TNFSF4: variants seen among roughly 807,000 people sequenced by gnomAD.
TNFSF4 encodes TNF superfamily member 4.
A neutral mutation model predicts 7.3 loss-of-function variants in TNFSF4; 4 were observed. The observed-to-expected ratio is 0.55, with a 90% CI of 0.27 to 1.25. The LOEUF (loss-of-function observed/expected upper bound fraction) is 1.25. Among genes scored for constraint, TNFSF4 ranks in the 50% most tolerant of loss-of-function variants. The probability of loss-of-function intolerance (pLI) is 0.12; values close to 1 mark genes in which losing one functional copy is unlikely to be tolerated. For missense variants in TNFSF4, 181 were observed against 208.8 expected, an observed-to-expected ratio of 0.87 and a Z score of 0.82; for synonymous variants, 76 against 83.7, an observed-to-expected ratio of 0.91 and a Z score of 0.50.
chr1:173,210,551 A>G (rs1401063690), upstream of TNFSF4, among the ~76,000 whole-genome samples: 1 of 152,156 alleles, frequency 6.6e-6, no homozygotes, highest in African/African-American at 2.4e-5. Context: ...TCTGTCGTAA[A>G]TGGACTTTTG....
chr1:173,181,700 T>G (rs1392886680), downstream of TNFSF4, among the ~76,000 whole-genome samples: 1 of 152,174 alleles, frequency 6.6e-6, no homozygotes, highest in Non-Finnish European at 1.5e-5. Context: ...TAGAGGGCCT[T>G]ACATTCCATG....
the TNFSF4 span, among the ~76,000 whole-genome samples, chr1:173,389,187 CTGCATGTTT>C: frequency 6.6e-6 from 1 of 152,142 alleles, no homozygotes. Context: ...TGAAAACATG[CTGCATGTTT>C]TACCTTCCAG....
the TNFSF4 span, among the ~76,000 whole-genome samples, chr1:173,314,865 C>T: frequency 6.6e-6 from 1 of 152,120 alleles, no homozygotes; most frequent in Non-Finnish European, 1.5e-5. Flanking sequence ...CAAAGCCACA[C>T]TCTCCCAAGT....
At position 173,205,574 on chromosome 1, in the gene TNFSF4, A is replaced by G. The variant is rs16845610; in HGVS notation, c.153+1450T>C. ...CCTGTGTTTTATCATCCCATGGTGT[A>G]AGGAAATATGTAACACTGTGGTTGT... On this transcript the variant is annotated intron_variant, in intron 1 of 2. Coordinates refer to ENST00000281834, the MANE Select transcript of TNFSF4 (RefSeq NM_003326.5). 3,811 of 1,246,234 alleles carry G rather than the reference A, an allele frequency of 3.1e-3. 107 individuals carry two copies. In the African/African-American group the frequency reaches 0.054, roughly 18 times the overall value. The allele number at this position is 1,246,234 out of a possible 1,614,324, so 77.2% of individuals were successfully genotyped here. A position where few individuals can be genotyped will look rare whatever the true frequency, so the allele number is the denominator to read the frequency against.
At chr1:173,348,529 C>CCAAAT in the TNFSF4 span, among the ~76,000 whole-genome samples, 145,549 of 152,086 alleles carry the variant, frequency 0.96, 69,974 homozygotes, top group East Asian at 1. Flanking sequence ...CACATTAAAC[C>CCAAAT]CAAACATAAG....
the TNFSF4 span, among the ~76,000 whole-genome samples, chr1:173,249,429 T>C: frequency 1.3e-5 from 2 of 152,188 alleles, no homozygotes; most frequent in South Asian, 4.1e-4. Context: ...ATTTCTACAA[T>C]ATCATAGCAA....
At chr1:173,348,485 C>T in the TNFSF4 span, among the ~76,000 whole-genome samples, 2 of 152,122 alleles carry the variant, frequency 1.3e-5, no homozygotes, top group African/African-American at 2.4e-5. Flanking sequence ...CAAACTAATA[C>T]AGTACCCATC....
At chr1:173,204,736 A>ACAC (rs561791275) in intron 1 of TNFSF4, among the ~76,000 whole-genome samples, 160 of 151,926 alleles carry the variant, frequency 1.1e-3, no homozygotes, top group South Asian at 3.7e-3. Context: ...ATCACTACCA[A>ACAC]CACCACCACC....
the TNFSF4 span, among the ~76,000 whole-genome samples, chr1:173,251,893 G>T: frequency 6.6e-6 from 1 of 152,050 alleles, no homozygotes; most frequent in Admixed American, 6.6e-5. Context: ...ACCCTATATG[G>T]CAACCTATTT....
At chr1:173,428,656 C>G in the TNFSF4 span, among the ~76,000 whole-genome samples, 395 of 152,232 alleles carry the variant, frequency 2.6e-3, 3 homozygotes, top group African/African-American at 9.2e-3. Flanking sequence ...TTTGTGGTTA[C>G]TTTTTAAAAA....
intron 1 of TNFSF4, among the ~76,000 whole-genome samples, chr1:173,204,147 G>C (rs1375984421): frequency 6.6e-6 from 1 of 152,122 alleles, no homozygotes; most frequent in Non-Finnish European, 1.5e-5. Flanking sequence ...TAGGAGCCAG[G>C]AAATCCATAA....
chr1:173,428,630 T>C, the TNFSF4 span, among the ~76,000 whole-genome samples: 1 of 152,260 alleles, frequency 6.6e-6, no homozygotes, highest in Non-Finnish European at 1.5e-5. Context: ...TTGCTAATGT[T>C]AGTTGAATTT....
the TNFSF4 span, among the ~76,000 whole-genome samples, chr1:173,242,143 GA>G: frequency 1.3e-5 from 2 of 152,182 alleles, no homozygotes; most frequent in African/African-American, 4.8e-5. Context: ...CCAGCCTGAA[GA>G]GGGAGATTAG....
the TNFSF4 span, among the ~76,000 whole-genome samples, chr1:173,390,151 G>A: frequency 7.9e-5 from 12 of 152,238 alleles, no homozygotes; most frequent in Admixed American, 7.8e-4. Context: ...TCAAAACCAT[G>A]TGAGACTAGT....
At chr1:173,245,588 T>C in the TNFSF4 span, among the ~76,000 whole-genome samples, 1 of 152,232 alleles carries the variant, frequency 6.6e-6, no homozygotes, top group African/African-American at 2.4e-5. Context: ...TATCATCTAT[T>C]TGTGGTGAGG....
At chr1:173,242,262 A>T in the TNFSF4 span, among the ~76,000 whole-genome samples, 1 of 152,174 alleles carries the variant, frequency 6.6e-6, no homozygotes, top group Non-Finnish European at 1.5e-5. Flanking sequence ...GTTATGACAG[A>T]AGTATTCCTG....
chr1:173,385,852 A>G, the TNFSF4 span, among the ~76,000 whole-genome samples: 1 of 152,188 alleles, frequency 6.6e-6, no homozygotes, highest in Non-Finnish European at 1.5e-5. Flanking sequence ...AGAAAAAGAA[A>G]AAAAAAAGAA....
chr1:173,341,913 G>A, the TNFSF4 span, among the ~76,000 whole-genome samples: 3 of 152,116 alleles, frequency 2.0e-5, no homozygotes, highest in Admixed American at 2.0e-4. Flanking sequence ...CACCCCTTCT[G>A]GAAGTCTCAA....
At chr1:173,222,240 G>A in the TNFSF4 span, among the ~76,000 whole-genome samples, 1 of 150,366 alleles carries the variant, frequency 6.7e-6, no homozygotes, top group Admixed American at 6.6e-5. Flanking sequence ...CCATGGGTGG[G>A]TGGGTAGGGA....
Sources: allele counts gnomAD v4.1 joint callset (sites outside exome capture counted in the v4.1 genomes callset), GRCh38; gene constraint gnomAD v4.1.1; transcripts MANE v1.5; gene names NCBI Gene and HGNC (gene_info 2026-07-23, HGNC 2026-07-21).